Variants in LRP1B observed in about 807,000 individuals in gnomAD.
The protein encoded by LRP1B is LDL receptor related protein 1B, also known as low-density lipoprotein receptor-related protein 1B.
Under a neutral mutation model 556.6 loss-of-function variants are expected in LRP1B, and 217 were observed. The observed-to-expected ratio is 0.39, with a 90% CI of 0.35 to 0.44. The LOEUF is 0.44. Among genes scored for constraint, LRP1B ranks in the 20% least tolerant of loss-of-function variants. LRP1B has a pLI of 1.00. For synonymous variants in LRP1B, 2,047 were observed against 1,865.8 expected (o/e 1.10, Z -2.50); for missense variants, 5,053 against 5,620.8 (o/e 0.90, Z 3.23).
At chr2:140,333,004 A>G (rs76835389) in intron 79 of LRP1B, among the ~76,000 whole-genome samples, 2 of 152,218 alleles carry the variant, frequency 1.3e-5, no homozygotes, top group East Asian at 3.9e-4. Context: ...AGCTCTCTTC[A>G]AAGCTAGAAT....
At chr2:141,467,112 ATATATATATATC>A (rs1459441891) in intron 3 of LRP1B, among the ~76,000 whole-genome samples, 201 of 2,296 alleles carry the variant, frequency 0.088, 2 homozygotes, top group South Asian at 0.31. Flanking sequence ...GTATATATAT[ATATATATATATC>A]TATATATATA....
Position 141,968,436 on chromosome 2 carries a change from T to C in LRP1B, c.83-158035A>G, listed in dbSNP as rs535172612. On this transcript the variant is annotated intron_variant, in intron 1 of 90. Coordinates refer to ENST00000389484, the MANE Select transcript of LRP1B (RefSeq NM_018557.3). ...TTTCCCTAAATTCCTTCATTTTTTTTGCTTGCAATCCCCAACCCTGGCTAA... is the reference window on the plus strand; with the variant it reads ...TTTCCCTAAATTCCTTCATTTTTTTCGCTTGCAATCCCCAACCCTGGCTAA... Among the ~76,000 whole-genome samples the C allele has an allele frequency of 2.0e-5, 3 of 151,870 alleles. No individual in the cohort carries two copies. In the South Asian group the frequency reaches 6.2e-4, roughly 31 times the overall value.
chr2:142,124,110 G>A (rs1380175890), intron 1 of LRP1B, among the ~76,000 whole-genome samples: 1 of 151,764 alleles, frequency 6.6e-6, no homozygotes. Context: ...TGTAACAAGG[G>A]TTTGTTGATC....
intron 2 of LRP1B, among the ~76,000 whole-genome samples, chr2:141,575,125 G>A (rs1398659112): frequency 1.3e-5 from 2 of 151,974 alleles, no homozygotes; most frequent in Non-Finnish European, 2.9e-5. Context: ...AATTTTATAT[G>A]GAATCAAAGA....
intron 49 of LRP1B, among the ~76,000 whole-genome samples, chr2:140,525,527 T>C (rs1324402994): frequency 6.6e-6 from 1 of 151,990 alleles, no homozygotes; most frequent in African/African-American, 2.4e-5. Flanking sequence ...AAGTTATTTC[T>C]AGGTATGTAA....
At chr2:141,012,454 T>C (rs1160638280) in intron 14 of LRP1B, among the ~76,000 whole-genome samples, 1 of 152,036 alleles carries the variant, frequency 6.6e-6, no homozygotes, top group Non-Finnish European at 1.5e-5. Flanking sequence ...GTGCAGGGTT[T>C]ATATGAATAT....
chr2:141,818,599 C>T (rs1348903975), intron 1 of LRP1B, among the ~76,000 whole-genome samples: 3 of 121,076 alleles, frequency 2.5e-5, no homozygotes, highest in East Asian at 5.2e-4. Context: ...TGCAGTGGTG[C>T]GATCTTGGCT....
At chr2:141,371,147 T>C (rs1490628282) in intron 3 of LRP1B, among the ~76,000 whole-genome samples, 1 of 152,056 alleles carries the variant, frequency 6.6e-6, no homozygotes, top group Non-Finnish European at 1.5e-5. Flanking sequence ...CCACGCCAGG[T>C]ACATTTTTGT....
At chr2:140,259,052 C>G (rs1268523147) in intron 86 of LRP1B, among the ~76,000 whole-genome samples, 1 of 152,114 alleles carries the variant, frequency 6.6e-6, no homozygotes, top group Non-Finnish European at 1.5e-5. Context: ...ATTTCAAACT[C>G]TAGCTAAGCA....
At chr2:140,744,385 T>C (rs550353705) in intron 35 of LRP1B, among the ~76,000 whole-genome samples, 1 of 152,304 alleles carries the variant, frequency 6.6e-6, no homozygotes, top group Admixed American at 6.5e-5. Flanking sequence ...GGACAGTGTT[T>C]AAGATGATAG....
chr2:141,017,630 T>C (rs1271779165), intron 12 of LRP1B, among the ~76,000 whole-genome samples: 2 of 149,256 alleles, frequency 1.3e-5, no homozygotes, highest in African/African-American at 4.9e-5. Flanking sequence ...GTAATGCCAA[T>C]CTGAGAGAGG....
intron 18 of LRP1B, among the ~76,000 whole-genome samples, chr2:140,980,755 G>A (rs1197949478): frequency 6.6e-6 from 1 of 152,124 alleles, no homozygotes; most frequent in African/African-American, 2.4e-5. Context: ...CTACCCAAAG[G>A]AACAGAAGCC....
At chr2:140,696,315 A>G (rs1686428280) in intron 41 of LRP1B, among the ~76,000 whole-genome samples, 1 of 152,064 alleles carries the variant, frequency 6.6e-6, no homozygotes, top group Admixed American at 6.6e-5. Flanking sequence ...AAGCTTTCAG[A>G]GAGGATTGCA....
intron 40 of LRP1B, among the ~76,000 whole-genome samples, chr2:140,701,148 CATT>C (rs967212857): frequency 1.8e-4 from 11 of 60,334 alleles, no homozygotes; most frequent in African/African-American, 4.5e-4. Context: ...TTTGTGAATT[CATT>C]ATTATTATCT....
intron 14 of LRP1B, among the ~76,000 whole-genome samples, chr2:141,012,588 T>C (rs1218605647): frequency 1.3e-5 from 2 of 152,012 alleles, no homozygotes; most frequent in Non-Finnish European, 2.9e-5. Context: ...ATTTTATCTT[T>C]TATCAGCTAT....
At chr2:140,391,463 CGTT>C (rs1367137288) in intron 66 of LRP1B, among the ~76,000 whole-genome samples, 2 of 151,184 alleles carry the variant, frequency 1.3e-5, no homozygotes, top group Non-Finnish European at 3.0e-5. Context: ...GTCTGTCACA[CGTT>C]GTATACTGTA....
intron 2 of LRP1B, among the ~76,000 whole-genome samples, chr2:141,630,524 C>T (rs1688868623): frequency 6.6e-6 from 1 of 152,158 alleles, no homozygotes; most frequent in South Asian, 2.1e-4. Context: ...GCAAAGATTT[C>T]CCCCTTCCCC....
At chr2:142,077,963 T>A (rs905406251) in intron 1 of LRP1B, among the ~76,000 whole-genome samples, 5 of 152,156 alleles carry the variant, frequency 3.3e-5, no homozygotes, top group African/African-American at 1.2e-4. Flanking sequence ...ACACTTTGAA[T>A]GGAAAATCAC....
chr2:141,173,055 T>TA (rs5834814), intron 7 of LRP1B, among the ~76,000 whole-genome samples: 6,504 of 146,804 alleles, frequency 0.044, 199 homozygotes, highest in African/African-American at 0.085. Context: ...GCTTTAAAAT[T>TA]AAAAAAAAAA....
Sources: allele counts gnomAD v4.1 joint callset (sites outside exome capture counted in the v4.1 genomes callset), GRCh38; gene constraint gnomAD v4.1.1; transcripts MANE v1.5; gene names NCBI Gene and HGNC (gene_info 2026-07-23, HGNC 2026-07-21).